ZSCAN12: variants seen among roughly 807,000 people sequenced by gnomAD.
ZSCAN12 encodes zinc finger and SCAN domain-containing protein 12.
A neutral mutation model predicts 23.4 loss-of-function variants in ZSCAN12; 18 were observed. The observed-to-expected ratio is 0.77, with a 90% confidence interval of 0.53 to 1.14. The LOEUF (loss-of-function observed/expected upper bound fraction) is 1.14, where lower values mean the gene tolerates loss of function less well. Among genes scored for constraint, ZSCAN12 ranks in the 50% most tolerant of loss-of-function variants. ZSCAN12 has a pLI of 0.00. For missense variants in ZSCAN12, 650 were observed against 735.0 expected, an observed-to-expected ratio of 0.88 and a Z score of 1.34; for synonymous variants, 186 against 253.4, an observed-to-expected ratio of 0.73 and a Z score of 2.53.
rs1561959062 is a variant in ZSCAN12, at chr6:28,391,324, T to G, written c.966A>C (p.Ile322=). 13 of 1,552,158 alleles carry G rather than the reference T, an allele frequency of 8.4e-6. No homozygotes were observed. The highest frequency in any genetic ancestry group is 1.1e-5 in the Non-Finnish European group (13 of 1,147,124). Reference sequence around the variant, plus strand: ...TATACGGTTTCTCTCCAGTGTGTATTATTTTGTGTCGAATAAGCACAGTTC... The same window carrying G: ...TATACGGTTTCTCTCCAGTGTGTATGATTTTGTGTCGAATAAGCACAGTTC... The part of the protein sequence containing the change: ...RGRTVLIRHK[I]IHTGEKPYKC... Residue 322 remains isoleucine (I), a synonymous_variant, in exon 4 of 4, where the codon ATA becomes ATC. Coordinates refer to ENST00000684592, the MANE Select transcript of ZSCAN12 (RefSeq NM_001163391.2). The surrounding 1 kb of genome is among the most constrained non-coding windows in gnomAD (Gnocchi z 4.1).
chr6:28,384,386 T>C (rs1308318178), downstream of ZSCAN12, among the ~76,000 whole-genome samples: 1 of 152,150 alleles, frequency 6.6e-6, no homozygotes, highest in Non-Finnish European at 1.5e-5. Flanking sequence ...TTCTTGGGAC[T>C]TCCAGGAGCA....
intron 2 of ZSCAN12, 104 bp downstream of exon 2, chr6:28,397,900 A>T: frequency 7.3e-7 from 1 of 1,376,796 alleles, no homozygotes; most frequent in East Asian, 2.5e-5. Flanking sequence ...CTGATGCACC[A>T]AACTGTCAAA....
At chr6:28,395,185 T>C (rs568645114) in intron 2 of ZSCAN12, among the ~76,000 whole-genome samples, 8 of 152,190 alleles carry the variant, frequency 5.3e-5, no homozygotes, top group Non-Finnish European at 1.0e-4. Flanking sequence ...TCTGCCCACA[T>C]TGGCCTCCCA....
chr6:28,396,879 C>T (rs547835628), intron 2 of ZSCAN12, among the ~76,000 whole-genome samples: 16 of 152,294 alleles, frequency 1.1e-4, no homozygotes, highest in African/African-American at 3.8e-4. Context: ...GCTAGGATTA[C>T]AGGCATGAGT....
chr6:28,397,677 AAC>A (rs1454348030), intron 2 of ZSCAN12, among the ~76,000 whole-genome samples: 3 of 152,318 alleles, frequency 2.0e-5, no homozygotes, highest in Non-Finnish European at 2.9e-5. Context: ...TGTATTGTGC[AAC>A]AGAGTGATGC....
intron 2 of ZSCAN12, among the ~76,000 whole-genome samples, chr6:28,395,081 C>T (rs1761042140): frequency 6.6e-6 from 1 of 151,924 alleles, no homozygotes; most frequent in South Asian, 2.1e-4. Flanking sequence ...ATTATAGGTG[C>T]CTGCCACCAC....
chr6:28,393,567 C>T (rs1443279808), intron 2 of ZSCAN12, among the ~76,000 whole-genome samples: 1 of 151,058 alleles, frequency 6.6e-6, no homozygotes, highest in Admixed American at 6.6e-5. Context: ...ATAGCAAGAC[C>T]CCATCTCTCC....
In ZSCAN12 at chr6:28,388,415, A is replaced by T. The variant is rs773321907; in HGVS notation, c.*2039T>A. The stretch of plus-strand genomic sequence containing the variant: ...TAATACTTATACCATTATGACTTCT[A>T]TGGGAATATGTGTTCATATTTACAA... On this transcript the variant is annotated 3_prime_UTR_variant, in exon 4 of 4. Transcript: ENST00000684592. Among the ~76,000 whole-genome samples, 1 of 152,176 alleles carries T rather than the reference A, an allele frequency of 6.6e-6. No individual in the cohort carries two copies. The highest frequency in any genetic ancestry group is 2.4e-5 in the African/African-American group (1 of 41,434).
intron 2 of ZSCAN12, among the ~76,000 whole-genome samples, chr6:28,396,627 C>T (rs991794036): frequency 6.6e-6 from 1 of 151,492 alleles, no homozygotes; most frequent in Non-Finnish European, 1.5e-5. Context: ...GTTTTTTAAA[C>T]GGAGTCTCAC....
At chr6:28,379,656 C>A (rs1760129510) in exon 5 of ZSCAN12, 1 of 151,068 alleles carries the variant, frequency 6.6e-6, no homozygotes, top group Non-Finnish European at 1.5e-5. Flanking sequence ...TCTGAAGGGA[C>A]ACCTACACGG....
At position 28,390,990 on chromosome 6, in the gene ZSCAN12, C is replaced by T; in HGVS notation, c.1300G>A (p.Glu434Lys). Residue 434 changes from glutamate (E) to lysine (K), a missense_variant, in exon 4 of 4, where the codon GAA (glutamate) becomes AAA (lysine). Physicochemically the swap from Glu to Lys is moderately conservative, Grantham distance 56 (BLOSUM62 1). Coordinates refer to ENST00000684592, the MANE Select transcript of ZSCAN12 (RefSeq NM_001163391.2). ...VYNSSLVSHQ[E>K]IHHKEKCYQC... ...TAGCATTTTTCTTTGTGGTGGATTT[C>T]CTGATGGGAAACAAGGGATGAGTTA... The T allele has an allele frequency of 6.4e-7, 1 of 1,556,080 alleles. No homozygotes were observed. Among genetic ancestry groups the T allele is most frequent in the South Asian group, 1.2e-5 (1 of 84,332 alleles).
rs562081223 is a variant in ZSCAN12 at position 28,388,430 on chromosome 6, C to A, written c.*2024G>T. ...TATGACTTCTATGGGAATATGTGTT[C>A]ATATTTACAACTTAGCTAGAAACAT... On this transcript the variant is annotated 3_prime_UTR_variant, in exon 4 of 4. Coordinates refer to ENST00000684592, the MANE Select transcript of ZSCAN12 (RefSeq NM_001163391.2). 6.6e-6 allele frequency among the ~76,000 whole-genome samples: 1 copy of A among 152,248 alleles called. No homozygotes were observed. Among genetic ancestry groups the A allele is most frequent in the African/African-American group, 2.4e-5 (1 of 41,536 alleles).
At position 28,391,459 on chromosome 6, in the gene ZSCAN12, A is replaced by G. The variant is rs375962187; in HGVS notation, c.831T>C (p.Asp277=). The G allele has an allele frequency of 1.0e-4, 161 of 1,551,888 alleles. No homozygotes were observed. The African/African-American group carries it at 2.0e-3, about 19-fold the overall frequency. ...GCTGACTAAAAGCTTTTCCACAGTC[A>G]TCACATCCGTAAGATTCTTCTCCTG... ...ICPGEESYGC[D]DCGKAFSQHS... is the part of the protein sequence containing the mutation. Residue 277 remains aspartate (D), a synonymous_variant, in exon 4 of 4, where the codon GAT becomes GAC. Transcript: ENST00000684592. The surrounding 1 kb of genome is among the most constrained non-coding windows in gnomAD (Gnocchi z 4.1).
downstream of ZSCAN12, chr6:28,382,679 T>C (rs189144904): frequency 1.3e-5 from 20 of 1,519,212 alleles, no homozygotes; most frequent in Admixed American, 1.5e-4. Flanking sequence ...AACTCACTTA[T>C]CTGAACAAGG....
chr6:28,398,398 G>A lies in ZSCAN12; in HGVS notation c.8C>T (p.Ser3Phe). 1 of 1,545,314 alleles carries A rather than the reference G, an allele frequency of 6.5e-7. No homozygotes were observed. The highest frequency in any genetic ancestry group is 8.7e-7 in the Non-Finnish European group (1 of 1,143,308). The change falls in exon 2 of 4, where the codon TCT becomes TTT. Residue 3 changes from serine to phenylalanine, a missense_variant. Coordinates refer to ENST00000684592, the MANE Select transcript of ZSCAN12 (RefSeq NM_001163391.2). ...CATGTGGGCCTGGATAGCCCAAGTA[G>A]ATGCCATTTTAGCTGTGCTAGAACT... MA[S>F]TWAIQAHMDQ...
intron 2 of ZSCAN12, among the ~76,000 whole-genome samples, chr6:28,394,111 ACTGGGTGGCTCC>A (rs1449031293): frequency 2.0e-5 from 3 of 152,118 alleles, no homozygotes; most frequent in Non-Finnish European, 2.9e-5. Flanking sequence ...AATTTCAGCC[ACTGGGTGGCTCC>A]CATTCTTCCA....
downstream of ZSCAN12, among the ~76,000 whole-genome samples, chr6:28,382,929 G>A (rs1760342264): frequency 1.0e-5 from 1 of 97,086 alleles, no homozygotes; most frequent in Non-Finnish European, 2.0e-5. Context: ...TATTTAAAAT[G>A]CACCATACAT....
rs766566221 is a variant in ZSCAN12, at chr6:28,390,810, C to T, written c.1480G>A (p.Glu494Lys). ...CACTTATCACATTTATAGGGTCTTT[C>T]TCCAGTGTGAATTCGCTGATGTTCT... ...LTEHQRIHTG[E>K]RPYKCDKCGK... Residue 494 changes from glutamate to lysine, a missense_variant, in exon 4 of 4, where the codon GAA becomes AAA. Physicochemically the swap from Glu to Lys is moderately conservative, Grantham distance 56 (BLOSUM62 1). Coordinates refer to ENST00000684592, the MANE Select transcript of ZSCAN12 (RefSeq NM_001163391.2). 7.5e-6 allele frequency: 12 copies of T among 1,599,830 alleles called. No homozygotes were observed. Among genetic ancestry groups the T allele is most frequent in the Non-Finnish European group, 1.0e-5 (12 of 1,172,608 alleles).
At chr6:28,382,432 T>C (rs1760297106), downstream of ZSCAN12, 3 of 1,522,550 alleles carry the variant, frequency 2.0e-6, no homozygotes, top group Admixed American at 6.6e-5. Flanking sequence ...TGTGATTTCT[T>C]TGCCAGCCTG....
Sources: gnomAD v4.1 joint callset for allele counts (sites outside exome capture counted in the v4.1 genomes callset) on GRCh38, gnomAD v4.1.1 for gene constraint, Gnocchi (gnomAD v3.1) non-coding constraint, MANE v1.5 for transcripts, NCBI Gene and HGNC (gene_info 2026-07-23, HGNC 2026-07-21) for gene names.